The following MATN2 variants were observed in gnomAD, a reference collection of about 807,000 sequenced individuals.
MATN2 encodes the protein matrilin-2.
Under a neutral mutation model 103.2 loss-of-function variants are expected in MATN2, and 69 were observed. The observed-to-expected ratio is 0.67, with a 90% CI of 0.55 to 0.82. MATN2 has a LOEUF of 0.82. Ranked by LOEUF, MATN2 falls within the 40% of genes least tolerant of loss-of-function variation. The probability of loss-of-function intolerance (pLI) is 0.00; values close to 1 mark genes in which losing one functional copy is unlikely to be tolerated. For missense variants in MATN2, 1,023 were observed against 1,211.5 expected, an observed-to-expected ratio of 0.84 and a Z score of 2.31; for synonymous variants, 429 against 450.2, an observed-to-expected ratio of 0.95 and a Z score of 0.60.
chr8:97,908,621 G>A lies in MATN2; in HGVS notation c.142+20379G>A, dbSNP rs547599472. Reference sequence around the variant, plus strand: ...ACTGTACTGACTTAAATATAAAATAGCAGTTTTTCTCTTTCAACCTTTTTT... The same window carrying A: ...ACTGTACTGACTTAAATATAAAATAACAGTTTTTCTCTTTCAACCTTTTTT... On this transcript the variant is annotated intron_variant, in intron 2 of 18. Transcript: ENST00000254898. Among the ~76,000 whole-genome samples the A allele has an allele frequency of 6.2e-4, 94 of 152,182 alleles. No homozygotes were observed. The South Asian group carries it at 0.019, about 30-fold the overall frequency.
At chr8:97,961,269 A>T in intron 4 of MATN2, 139 bp from the exon 5 acceptor site, 5 of 785,508 alleles carry the variant, frequency 6.4e-6, no homozygotes, top group Non-Finnish European at 9.2e-6. Flanking sequence ...ATTTTCTACT[A>T]TGATCACGTA....
intron 5 of MATN2, among the ~76,000 whole-genome samples, chr8:97,978,538 C>A (rs552015364): frequency 6.6e-6 from 1 of 152,192 alleles, no homozygotes; most frequent in African/African-American, 2.4e-5. Flanking sequence ...CCATTAATAA[C>A]GCTGCTGCCT....
At chr8:97,927,029 T>G (rs1457989639) in intron 2 of MATN2, among the ~76,000 whole-genome samples, 1 of 152,238 alleles carries the variant, frequency 6.6e-6, no homozygotes, top group African/African-American at 2.4e-5. Flanking sequence ...CCTAGACCAG[T>G]AATATTGACT....
In MATN2 at chr8:97,931,728, G is replaced by A. The variant is rs759245430; in HGVS notation, c.712+206G>A. 5.3e-5 allele frequency among the ~76,000 whole-genome samples: 8 copies of A among 152,124 alleles called. No individual in the cohort carries two copies. Among genetic ancestry groups the A allele is most frequent in the Non-Finnish European group, 1.0e-4 (7 of 68,024 alleles). On this transcript the variant is annotated intron_variant, in intron 3 of 18. Transcript: ENST00000254898. This position sits in a 1 kb window ranked among gnomAD's most constrained non-coding sequence, Gnocchi z 4.1. ...TTATTTATTTATCTTTTAGAGACAG[G>A]GTCATGCTCTGTCACCCAGGCTGTA...
At chr8:97,890,502 A>T (rs7815790) in intron 2 of MATN2, among the ~76,000 whole-genome samples, 1 of 150,578 alleles carries the variant, frequency 6.6e-6, no homozygotes. Flanking sequence ...AGTGACAATC[A>T]TGAAACCAGA....
At chr8:98,034,744 T>C (rs1341190404) in intron 18 of MATN2, among the ~76,000 whole-genome samples, 2 of 152,188 alleles carry the variant, frequency 1.3e-5, no homozygotes, top group African/African-American at 4.8e-5. Context: ...TGTAGCATCA[T>C]GGTGAAAACT....
chr8:97,912,367 C>G (rs1351830303), intron 2 of MATN2, among the ~76,000 whole-genome samples: 4 of 152,234 alleles, frequency 2.6e-5, no homozygotes, highest in Non-Finnish European at 5.9e-5. Flanking sequence ...CATAGCAACC[C>G]TAACATAGGG....
chr8:98,007,748 A>C lies in MATN2; in HGVS notation c.1573+147A>C. The stretch of plus-strand genomic sequence containing the variant: ...ATGTGTGTGACAGCATCTCTTAGCC[A>C]TTAAGCCTTGGTGGCTGCTTCACCA... On this transcript the variant is annotated intron_variant, in intron 10 of 18. Transcript: ENST00000254898. This position sits in a 1 kb window ranked among gnomAD's most constrained non-coding sequence, Gnocchi z 4.2. 1 of 1,019,894 alleles carries C rather than the reference A, an allele frequency of 9.8e-7. No homozygotes were observed. Among genetic ancestry groups the C allele is most frequent in the Non-Finnish European group, 1.4e-6 (1 of 715,344 alleles). 63.2% of individuals were successfully genotyped at this position (1,019,894 alleles called of 1,614,324 possible).
intron 4 of MATN2, among the ~76,000 whole-genome samples, chr8:97,945,701 T>C (rs898627643): frequency 1.9e-4 from 6 of 30,972 alleles, no homozygotes; most frequent in South Asian, 1.5e-3. Flanking sequence ...ACATACACAC[T>C]ATAGAAAAAA....
chr8:97,896,116 G>T (rs1165353585), intron 2 of MATN2, among the ~76,000 whole-genome samples: 1 of 152,240 alleles, frequency 6.6e-6, no homozygotes, highest in Non-Finnish European at 1.5e-5. Context: ...AGCCCTGGCT[G>T]TGGTCCTGCC....
chr8:97,881,153 G>A (rs765564125), intron 1 of MATN2, among the ~76,000 whole-genome samples: 6 of 152,194 alleles, frequency 3.9e-5, no homozygotes, highest in African/African-American at 9.6e-5. Flanking sequence ...CTTTTTGTCT[G>A]GAGGTGGGGT....
At chr8:98,027,239 G>A (rs996985763) in intron 13 of MATN2, among the ~76,000 whole-genome samples, 177 bp from the exon 14 acceptor site, 18 of 152,052 alleles carry the variant, frequency 1.2e-4, no homozygotes, top group African/African-American at 2.9e-4. Context: ...AAAAGTATAC[G>A]TGAAAATTAT....
chr8:98,010,665 CT>C (rs1383426603), intron 10 of MATN2, among the ~76,000 whole-genome samples: 3 of 152,182 alleles, frequency 2.0e-5, no homozygotes, highest in African/African-American at 7.2e-5. Flanking sequence ...AGGGCCAGGC[CT>C]GCTCTCCTTG....
intron 2 of MATN2, among the ~76,000 whole-genome samples, chr8:97,889,243 C>A (rs1818544568): frequency 6.6e-6 from 1 of 151,856 alleles, no homozygotes; most frequent in Admixed American, 6.6e-5. Context: ...ACCTAAAGAG[C>A]CCTGTTTTCA....
Position 98,027,404 on chromosome 8 carries a change from CT to C in MATN2, c.1943-11del. 1 of 1,563,680 alleles carries C rather than the reference CT, an allele frequency of 6.4e-7. No individual in the cohort carries two copies. The highest frequency in any genetic ancestry group is 8.7e-7 in the Non-Finnish European group (1 of 1,150,936). On this transcript the variant is annotated splice_polypyrimidine_tract_variant and intron_variant, in intron 13 of 18. Coordinates refer to ENST00000254898, the MANE Select transcript of MATN2 (RefSeq NM_002380.5). The stretch of plus-strand genomic sequence containing the variant: ...TTATTCAACTATGTCAACTTTCCTT[CT>C]GTTCATATAGAATGCACTGAAGGCC...
chr8:98,023,113 T>A (rs1482765240), intron 13 of MATN2, among the ~76,000 whole-genome samples: 1 of 150,942 alleles, frequency 6.6e-6, no homozygotes, highest in Non-Finnish European at 1.5e-5. Flanking sequence ...ATAAAATAAA[T>A]AAAATACAAA....
In MATN2 at chr8:98,007,659, G is replaced by A. The variant is rs1813022071; in HGVS notation, c.1573+58G>A. On this transcript the variant is annotated intron_variant, in intron 10 of 18. Transcript: ENST00000254898. The surrounding 1 kb of genome is among the most constrained non-coding windows in gnomAD (Gnocchi z 4.2). ...AGGTGTTCCGTGGGTGCCGGTGTGG[G>A]TGCGCTGCCGACGTGTATATGTGCC... 2.6e-6 allele frequency: 4 copies of A among 1,567,540 alleles called. No individual in the cohort carries two copies. The highest frequency in any genetic ancestry group is 1.2e-5 in the South Asian group (1 of 86,690).
In MATN2 at chr8:98,020,474, C is replaced by T. The variant is rs530213936; in HGVS notation, c.1820-731C>T. 2.0e-4 allele frequency among the ~76,000 whole-genome samples: 31 copies of T among 152,264 alleles called. 2 individuals carry two copies. The highest frequency in any genetic ancestry group is 6.3e-4 in the African/African-American group (26 of 41,562). On this transcript the variant is annotated intron_variant, in intron 12 of 18. Coordinates refer to ENST00000254898, the MANE Select transcript of MATN2 (RefSeq NM_002380.5). ...ATGCTTTTCTTTCTGCAAACATCTG[C>T]ACACTCACACACACACTGTTTATTC...
intron 4 of MATN2, among the ~76,000 whole-genome samples, chr8:97,958,551 A>G (rs929102312): frequency 2.2e-4 from 33 of 152,368 alleles, no homozygotes; most frequent in African/African-American, 7.5e-4. Context: ...CAAAAGTGTA[A>G]AGAATGTTTA....
Sources: gnomAD v4.1 joint callset for allele counts (sites outside exome capture counted in the v4.1 genomes callset) on GRCh38, gnomAD v4.1.1 for gene constraint, Gnocchi (gnomAD v3.1) non-coding constraint, MANE v1.5 for transcripts, NCBI Gene and HGNC (gene_info 2026-07-23, HGNC 2026-07-21) for gene names.